NR6A1: variants seen among roughly 807,000 people sequenced by gnomAD.
NR6A1 encodes nuclear receptor subfamily 6 group A member 1.
In NR6A1, 7 loss-of-function variants were observed where a neutral mutation model predicts 59.1. The ratio of observed to expected loss-of-function variants is 0.12; its 90% CI spans 0.07 to 0.22. The LOEUF is 0.22. Among genes scored for constraint, NR6A1 ranks in the 10% least tolerant of loss-of-function variants. The pLI, the probability that NR6A1 is intolerant of heterozygous loss-of-function variation, is 1.00. For synonymous variants in NR6A1, 243 were observed against 236.1 expected, an observed-to-expected ratio of 1.03 and a Z score of -0.27; for missense variants, 468 against 611.6, an observed-to-expected ratio of 0.77 and a Z score of 2.48.
intron 2 of NR6A1, among the ~76,000 whole-genome samples, chr9:124,626,645 G>C (rs550491570): frequency 5.3e-5 from 8 of 152,082 alleles, no homozygotes; most frequent in Non-Finnish European, 1.2e-4. Flanking sequence ...TAATAATACT[G>C]GAGCTTCAGG....
intron 2 of NR6A1, among the ~76,000 whole-genome samples, chr9:124,661,404 C>T (rs1464792862): frequency 2.6e-5 from 4 of 152,302 alleles, no homozygotes; most frequent in East Asian, 1.9e-4. Flanking sequence ...GACTGGTGTC[C>T]ATTTCAACAG....
chr9:124,687,846 T>G (rs939378770), intron 2 of NR6A1, among the ~76,000 whole-genome samples: 1 of 152,218 alleles, frequency 6.6e-6, no homozygotes, highest in Non-Finnish European at 1.5e-5. Flanking sequence ...TTTGACAATT[T>G]CTTTTAGAAG....
intron 2 of NR6A1, among the ~76,000 whole-genome samples, chr9:124,675,452 G>C (rs569699192): frequency 6.6e-6 from 1 of 152,292 alleles, no homozygotes; most frequent in East Asian, 1.9e-4. Context: ...CCTCCTCCTT[G>C]TACAAGGTAC....
intron 7 of NR6A1, among the ~76,000 whole-genome samples, chr9:124,532,139 G>A (rs1391095959): frequency 1.3e-5 from 2 of 152,138 alleles, no homozygotes; most frequent in African/African-American, 4.8e-5. Flanking sequence ...TTTCTCTCTA[G>A]TCAATTCTCC....
rs1229436614 is a variant in NR6A1, at chr9:124,521,560, G to C, written c.*1145C>G. ...ATTTCTGGTCAGCAGACAGGTGAAT[G>C]GTCCTTCTCATTGTTTAAAAAAGCC... On this transcript the variant is annotated 3_prime_UTR_variant, in exon 10 of 10. Coordinates refer to ENST00000487099, the MANE Select transcript of NR6A1 (RefSeq NM_033334.4). 1 of 152,238 alleles carries C rather than the reference G, an allele frequency of 6.6e-6. No individual in the cohort carries two copies. The highest frequency in any genetic ancestry group is 2.4e-5 in the African/African-American group (1 of 41,444). 9.4% of individuals were successfully genotyped at this position (152,238 alleles called of 1,614,324 possible). A position where few individuals can be genotyped will look rare whatever the true frequency, so the allele number is the denominator to read the frequency against.
chr9:124,728,157 T>C (rs1839780297), intron 2 of NR6A1, among the ~76,000 whole-genome samples: 1 of 151,228 alleles, frequency 6.6e-6, no homozygotes, highest in African/African-American at 2.4e-5. Context: ...CTCCCGAGTA[T>C]CTGGGACTAC....
intron 2 of NR6A1, among the ~76,000 whole-genome samples, chr9:124,560,233 CA>C (rs1450079316): frequency 1.3e-5 from 2 of 152,194 alleles, no homozygotes; most frequent in African/African-American, 4.8e-5. Context: ...TACCATTAAC[CA>C]GTATCTTTCT....
chr9:124,755,155 G>A (rs1840600759), intron 1 of NR6A1, among the ~76,000 whole-genome samples: 1 of 98,368 alleles, frequency 1.0e-5, no homozygotes, highest in Non-Finnish European at 2.0e-5. Flanking sequence ...CTGCTTTTCA[G>A]AGGTTGAGTC....
intron 2 of NR6A1, among the ~76,000 whole-genome samples, chr9:124,643,468 C>G (rs546129333): frequency 1.3e-5 from 2 of 151,950 alleles, no homozygotes; most frequent in South Asian, 4.2e-4. Flanking sequence ...AGGCTGATGA[C>G]GTGCACCTGT....
intron 2 of NR6A1, among the ~76,000 whole-genome samples, chr9:124,574,499 G>C (rs758743358): frequency 6.6e-5 from 10 of 152,148 alleles, no homozygotes; most frequent in Non-Finnish European, 1.3e-4. Flanking sequence ...GTGATAAAGA[G>C]CTTACTTCCT....
At chr9:124,562,915 G>T (rs952999153) in intron 2 of NR6A1, among the ~76,000 whole-genome samples, 1 of 151,986 alleles carries the variant, frequency 6.6e-6, no homozygotes, top group Non-Finnish European at 1.5e-5. Context: ...CATTTAGCAA[G>T]AACAAAAAAT....
At chr9:124,613,189 A>T (rs1260954119) in intron 2 of NR6A1, among the ~76,000 whole-genome samples, 3 of 151,992 alleles carry the variant, frequency 2.0e-5, no homozygotes, top group African/African-American at 7.3e-5. Flanking sequence ...TTTAAAATTT[A>T]GCTGGATGTG....
At chr9:124,544,538 C>A (rs1351077572) in intron 3 of NR6A1, among the ~76,000 whole-genome samples, 1 of 152,134 alleles carries the variant, frequency 6.6e-6, no homozygotes, top group East Asian at 1.9e-4. Context: ...ATTAGGCAAT[C>A]CTTTCTGGAA....
intron 2 of NR6A1, among the ~76,000 whole-genome samples, chr9:124,629,450 A>T: frequency 6.6e-6 from 1 of 152,210 alleles, no homozygotes; most frequent in Non-Finnish European, 1.5e-5. Context: ...ATCCACTTAT[A>T]ATCATGACTT....
chr9:124,729,961 C>T (rs1175205962), intron 2 of NR6A1, among the ~76,000 whole-genome samples: 9 of 151,802 alleles, frequency 5.9e-5, no homozygotes, highest in Non-Finnish European at 8.8e-5. Context: ...TACAGGCATG[C>T]GCCACCACAA....
intron 6 of NR6A1, among the ~76,000 whole-genome samples, chr9:124,537,015 C>G (rs1833287653): frequency 6.6e-6 from 1 of 152,082 alleles, no homozygotes; most frequent in Admixed American, 6.5e-5. Flanking sequence ...AGAGTTTCAG[C>G]TTTCTTCCTC....
intron 1 of NR6A1, among the ~76,000 whole-genome samples, chr9:124,754,491 G>C (rs1840586491): frequency 1.3e-5 from 2 of 152,190 alleles, no homozygotes; most frequent in Admixed American, 1.3e-4. Flanking sequence ...ACTGCAGCTG[G>C]AGAGAGCTGA....
intron 3 of NR6A1, among the ~76,000 whole-genome samples, chr9:124,551,388 C>A (rs1022149631): frequency 6.6e-6 from 1 of 152,168 alleles, no homozygotes; most frequent in African/African-American, 2.4e-5. Flanking sequence ...TGGCCTTCTC[C>A]TTTGCTGATT....
intron 2 of NR6A1, among the ~76,000 whole-genome samples, chr9:124,696,211 AG>A (rs1838755252): frequency 6.6e-6 from 1 of 152,236 alleles, no homozygotes; most frequent in South Asian, 2.1e-4. Flanking sequence ...AAACTCAGCA[AG>A]GAGACAATGA....
Sources: gnomAD v4.1 joint callset for allele counts (sites outside exome capture counted in the v4.1 genomes callset) on GRCh38, gnomAD v4.1.1 for gene constraint, MANE v1.5 for transcripts, NCBI Gene and HGNC (gene_info 2026-07-23, HGNC 2026-07-21) for gene names.